Variants in DLD observed in about 807,000 individuals in gnomAD.
The protein encoded by DLD is dihydrolipoamide dehydrogenase, also known as dihydrolipoyl dehydrogenase, mitochondrial.
A neutral mutation model predicts 62.2 loss-of-function variants in DLD; 36 were observed. That is an observed-to-expected ratio of 0.58 (90% CI 0.44 to 0.76). DLD has a LOEUF of 0.76. Among genes scored for constraint, DLD ranks in the 30% least tolerant of loss-of-function variants. The pLI is 0.00. For synonymous variants in DLD, 204 were observed against 199.6 expected, an observed-to-expected ratio of 1.02 and a Z score of -0.19; for missense variants, 541 against 608.6, an observed-to-expected ratio of 0.89 and a Z score of 1.17.
intron 6 of DLD, 53 bp downstream of exon 6, chr7:107,905,111 T>C: frequency 1.5e-6 from 2 of 1,313,998 alleles, no homozygotes; most frequent in Non-Finnish European, 2.2e-6. Context: ...AATTAAACTT[T>C]GCATTATAGA....
chr7:107,913,390 T>G (rs2032190423), intron 8 of DLD, among the ~76,000 whole-genome samples: 1 of 152,160 alleles, frequency 6.6e-6, no homozygotes. Flanking sequence ...ATTTTTTGTG[T>G]CCTCTTCAAT....
intron 6 of DLD, 49 bp downstream of exon 6, chr7:107,905,107 A>T: frequency 7.4e-7 from 1 of 1,344,024 alleles, no homozygotes; most frequent in Non-Finnish European, 1.1e-6. Flanking sequence ...TACAAATTAA[A>T]CTTTGCATTA....
Position 107,919,503 on chromosome 7 carries a change from A to G in DLD, c.*244A>G. ...AAGCTACTTATTGTAGCATCCTGGA[A>G]TATCTCCGTCAACTCATATTTTCAT... On this transcript the variant is annotated 3_prime_UTR_variant, in exon 14 of 14. Transcript: ENST00000205402. The G allele has an allele frequency of 2.6e-6, 1 of 378,308 alleles. No homozygotes were observed. Among genetic ancestry groups the G allele is most frequent in the Non-Finnish European group, 4.8e-6 (1 of 210,178 alleles). 23.4% of individuals were successfully genotyped at this position (378,308 alleles called of 1,614,324 possible).
chr7:107,921,126 A>G lies in DLD; in HGVS notation c.*1867A>G, dbSNP rs1192115330. ...GTTAAATCCATCTTTAAGTGTTTAC[A>G]TTCAGTATGAGAATGCAAATTTATC... On this transcript the variant is annotated 3_prime_UTR_variant, in exon 14 of 14. Transcript: ENST00000205402. 1 of 152,360 alleles carries G rather than the reference A, an allele frequency of 6.6e-6. No homozygotes were observed. The highest frequency in any genetic ancestry group is 6.5e-5 in the Admixed American group (1 of 15,284). 9.4% of individuals were successfully genotyped at this position (152,360 alleles called of 1,614,324 possible).
intron 12 of DLD, 52 bp from the exon 13 acceptor site, chr7:107,918,958 A>AG: frequency 7.0e-7 from 1 of 1,428,136 alleles, no homozygotes; most frequent in Non-Finnish European, 9.9e-7. Flanking sequence ...CTATCCTATT[A>AG]GCATGTAGTT....
intron 1 of DLD, among the ~76,000 whole-genome samples, chr7:107,892,301 T>A (rs917233577): frequency 6.6e-6 from 1 of 152,192 alleles, no homozygotes; most frequent in Non-Finnish European, 1.5e-5. Flanking sequence ...ATGATGCAAT[T>A]TGTCAAACTG....
chr7:107,897,358 C>G (rs184146736), intron 2 of DLD, among the ~76,000 whole-genome samples: 199 of 152,300 alleles, frequency 1.3e-3, no homozygotes, highest in Non-Finnish European at 9.1e-4. Context: ...ATTTCAGAAT[C>G]TAGAGGACCT....
intron 9 of DLD, among the ~76,000 whole-genome samples, chr7:107,916,304 T>C (rs1302341521): frequency 2.0e-5 from 3 of 152,184 alleles, no homozygotes; most frequent in Non-Finnish European, 4.4e-5. Context: ...ATAACAGACC[T>C]CTAGATTTTA....
intron 3 of DLD, among the ~76,000 whole-genome samples, chr7:107,902,121 C>A (rs2031890478): frequency 1.3e-5 from 2 of 151,566 alleles, no homozygotes; most frequent in Admixed American, 1.3e-4. Context: ...ACAAAAATAT[C>A]TTTTAGAATA....
chr7:107,904,599 T>G (rs1402260541), intron 5 of DLD: 1 of 429,312 alleles, frequency 2.3e-6, no homozygotes, highest in African/African-American at 2.1e-5. Flanking sequence ...AAATCTAGCA[T>G]TTTCCTTTAT....
intron 2 of DLD, among the ~76,000 whole-genome samples, chr7:107,899,661 A>G (rs954720440): frequency 6.6e-6 from 1 of 152,092 alleles, no homozygotes; most frequent in Non-Finnish European, 1.5e-5. Context: ...TTATAAATAT[A>G]TATGCTCATG....
chr7:107,903,580 C>T, intron 5 of DLD, 33 bp downstream of exon 5: 1 of 1,327,472 alleles, frequency 7.5e-7, no homozygotes, highest in Non-Finnish European at 1.1e-6. Context: ...ATGATATTAC[C>T]AGACTGCTTG....
intron 2 of DLD, among the ~76,000 whole-genome samples, chr7:107,897,406 G>C (rs755438003): frequency 4.9e-4 from 75 of 151,968 alleles, no homozygotes; most frequent in Non-Finnish European, 9.1e-4. Context: ...TAGTTGTGTA[G>C]CCTTATGCAA....
At chr7:107,903,966 G>A (rs1434990412) in intron 5 of DLD, among the ~76,000 whole-genome samples, 1 of 152,208 alleles carries the variant, frequency 6.6e-6, no homozygotes, top group Middle Eastern at 3.2e-3. Context: ...GAGAGAAAGA[G>A]TGAGGCATAG....
chr7:107,903,587 C>A, intron 5 of DLD, 40 bp downstream of exon 5: 1 of 1,209,718 alleles, frequency 8.3e-7, no homozygotes, highest in Non-Finnish European at 1.2e-6. Flanking sequence ...TACCAGACTG[C>A]TTGACTTGGC....
chr7:107,906,287 G>T lies in DLD; in HGVS notation c.603G>T (p.Val201=). 1.3e-6 allele frequency: 2 copies of T among 1,592,826 alleles called. No homozygotes were observed. The highest frequency in any genetic ancestry group is 1.7e-6 in the Non-Finnish European group (2 of 1,160,814). ...TACAGATAGATGAAGATACAATAGT[G>T]TCATCTACAGGTGCTTTATCTTTAA... The part of the protein sequence containing the change: ...PGITIDEDTI[V]SSTGALSLKK... The change falls in exon 8 of 14, where the codon GTG becomes GTT. Residue 201 remains valine (V), a synonymous_variant. Coordinates refer to ENST00000205402, the MANE Select transcript of DLD (RefSeq NM_000108.5).
chr7:107,919,165 A>T (rs2116278563), intron 13 of DLD, 29 bp from the exon 14 acceptor site: 1 of 1,612,826 alleles, frequency 6.2e-7, no homozygotes, highest in African/African-American at 1.3e-5. Flanking sequence ...AAATATTTGG[A>T]TTTTAATTTT....
chr7:107,898,799 C>A (rs886154848), intron 2 of DLD, among the ~76,000 whole-genome samples: 5 of 151,362 alleles, frequency 3.3e-5, no homozygotes, highest in Admixed American at 6.6e-5. Flanking sequence ...TGGTCTTGAT[C>A]TCCTGACCTC....
chr7:107,902,465 A>G lies in DLD; in HGVS notation c.267+72A>G. 9 of 1,257,974 alleles carry G rather than the reference A, an allele frequency of 7.2e-6. No homozygotes were observed. In the South Asian group the frequency reaches 9.6e-5, roughly 13 times the overall value. 77.9% of individuals were successfully genotyped at this position (1,257,974 alleles called of 1,614,324 possible). A position where few individuals can be genotyped will look rare whatever the true frequency, so the allele number is the denominator to read the frequency against. On this transcript the variant is annotated intron_variant, in intron 4 of 13. Coordinates refer to ENST00000205402, the MANE Select transcript of DLD (RefSeq NM_000108.5). Reference sequence around the variant, plus strand: ...CCAACTAGAAGGATGGATTGAGACTAGATTAGACAAATACACTTGTTAAAA... The same window carrying G: ...CCAACTAGAAGGATGGATTGAGACTGGATTAGACAAATACACTTGTTAAAA...
Sources: gnomAD v4.1 joint callset for allele counts (sites outside exome capture counted in the v4.1 genomes callset) on GRCh38, gnomAD v4.1.1 for gene constraint, MANE v1.5 for transcripts, NCBI Gene and HGNC (gene_info 2026-07-23, HGNC 2026-07-21) for gene names.